COL21A1: variants seen among roughly 807,000 people sequenced by gnomAD.
COL21A1 encodes collagen alpha-1(XXI) chain.
COL21A1 carries 149 observed loss-of-function variants against 137.9 expected under a neutral mutation model. The ratio of observed to expected loss-of-function variants is 1.08; its 90% CI spans 0.95 to 1.24. The LOEUF (loss-of-function observed/expected upper bound fraction) is 1.24. COL21A1 is among the 50% of genes most tolerant of loss of function. The pLI, the probability that COL21A1 is intolerant of heterozygous loss-of-function variation, is 0.00. For synonymous variants in COL21A1, 456 were observed against 391.5 expected, an observed-to-expected ratio of 1.16 and a Z score of -1.95; for missense variants, 1,167 against 1,158.4, an observed-to-expected ratio of 1.01 and a Z score of -0.11.
chr6:56,271,063 A>G (rs1763514293), intron 1 of COL21A1, among the ~76,000 whole-genome samples: 1 of 152,202 alleles, frequency 6.6e-6, no homozygotes, highest in African/African-American at 2.4e-5. Context: ...GGTAACAGGA[A>G]GAGGTTGGAA....
At chr6:56,308,167 G>T (rs1392295736) in intron 1 of COL21A1, among the ~76,000 whole-genome samples, 1 of 152,182 alleles carries the variant, frequency 6.6e-6, no homozygotes, top group Non-Finnish European at 1.5e-5. Context: ...TAAAAGGGCT[G>T]GTAACAGCCC....
chr6:56,276,605 T>G, intron 1 of COL21A1: 1 of 1,422,990 alleles, frequency 7.0e-7, no homozygotes, highest in Non-Finnish European at 9.9e-7. Context: ...GCCAGGGTAT[T>G]CTGGCAGAAG....
intron 10 of COL21A1, among the ~76,000 whole-genome samples, chr6:56,143,859 A>C (rs952896618): frequency 6.6e-6 from 1 of 152,320 alleles, no homozygotes; most frequent in East Asian, 1.9e-4. Flanking sequence ...AGAACATTGG[A>C]ATAATTTAAA....
chr6:56,307,686 C>G (rs1237260008), intron 1 of COL21A1, among the ~76,000 whole-genome samples: 1 of 152,156 alleles, frequency 6.6e-6, no homozygotes. Flanking sequence ...GAGGCAATGC[C>G]TCGCCCTGCT....
intron 1 of COL21A1, among the ~76,000 whole-genome samples, chr6:56,217,330 A>G (rs1291622533): frequency 6.6e-6 from 1 of 152,040 alleles, no homozygotes; most frequent in Non-Finnish European, 1.5e-5. Flanking sequence ...TCAATGCTTT[A>G]TCTCAGATAA....
intron 1 of COL21A1, among the ~76,000 whole-genome samples, chr6:56,346,513 A>G (rs1366302226): frequency 6.6e-6 from 1 of 152,248 alleles, no homozygotes; most frequent in Admixed American, 6.5e-5. Flanking sequence ...TACCTTGTCA[A>G]TATTTAAACT....
intron 1 of COL21A1, among the ~76,000 whole-genome samples, chr6:56,195,593 T>C (rs13211355): frequency 6.6e-6 from 1 of 151,974 alleles, no homozygotes; most frequent in Non-Finnish European, 1.5e-5. Flanking sequence ...ACACAAAAAA[T>C]TATGAGACTA....
chr6:56,152,584 T>C (rs1003138969), intron 10 of COL21A1, among the ~76,000 whole-genome samples: 8 of 152,182 alleles, frequency 5.3e-5, no homozygotes, highest in African/African-American at 1.9e-4. Flanking sequence ...TAAATAATTC[T>C]ATTATAACTT....
chr6:56,171,570 A>G (rs1221435389), intron 3 of COL21A1, among the ~76,000 whole-genome samples: 1 of 151,924 alleles, frequency 6.6e-6, no homozygotes, highest in Non-Finnish European at 1.5e-5. Context: ...AATGAACACT[A>G]AAATTCTTTT....
chr6:56,175,535 T>C (rs978450196), intron 3 of COL21A1, among the ~76,000 whole-genome samples: 4 of 151,916 alleles, frequency 2.6e-5, no homozygotes, highest in African/African-American at 9.7e-5. Flanking sequence ...AATAATCTCA[T>C]TTATAAAACA....
intron 18 of COL21A1, among the ~76,000 whole-genome samples, chr6:56,075,941 G>C (rs1333906026): frequency 6.6e-6 from 1 of 151,526 alleles, no homozygotes; most frequent in Non-Finnish European, 1.5e-5. Context: ...GGATGCGGCT[G>C]ACTAGGTCCT....
intron 1 of COL21A1, among the ~76,000 whole-genome samples, chr6:56,262,547 T>G (rs375150127): frequency 6.6e-6 from 1 of 152,140 alleles, no homozygotes; most frequent in Non-Finnish European, 1.5e-5. Context: ...AGAAGGAGAA[T>G]GTATTTTAAT....
At chr6:56,140,496 T>G (rs1256493927) in intron 12 of COL21A1, among the ~76,000 whole-genome samples, 1 of 152,170 alleles carries the variant, frequency 6.6e-6, no homozygotes, top group Admixed American at 6.6e-5. Context: ...AACAGTATTG[T>G]GTGGAACAAT....
chr6:56,146,362 T>C (rs572716807), intron 10 of COL21A1, among the ~76,000 whole-genome samples: 9 of 152,286 alleles, frequency 5.9e-5, no homozygotes, highest in East Asian at 1.9e-4. Flanking sequence ...CTAGTTGTTG[T>C]TGGCAGGCTT....
At chr6:56,248,767 T>C (rs1054067336), upstream of COL21A1, among the ~76,000 whole-genome samples, 8 of 152,264 alleles carry the variant, frequency 5.3e-5, no homozygotes, top group Admixed American at 5.2e-4. Context: ...GATCATTTCC[T>C]GAATTTCCTT....
At position 56,360,419 on chromosome 6, in the gene COL21A1, G is replaced by A. The variant is rs374293372; in HGVS notation, c.-39+33552C>T. 5.7e-4 allele frequency among the ~76,000 whole-genome samples: 87 copies of A among 152,286 alleles called. 1 individual carries two copies. The highest frequency in any genetic ancestry group is 2.1e-3 in the African/African-American group (87 of 41,580). On this transcript the variant is annotated intron_variant, in intron 1 of 28. Coordinates refer to the COL21A1 transcript ENST00000370819. ...ATGAACAGGCCCTTTTATTAAATAT[G>A]AGAAGAGTCTAAGCCATAATAAACA...
At chr6:56,170,909 T>A in intron 4 of COL21A1, 44 bp from the exon 5 acceptor site, 2 of 1,597,072 alleles carry the variant, frequency 1.3e-6, no homozygotes, top group Non-Finnish European at 1.7e-6. Context: ...ATTCTTGACA[T>A]GTCCACAGAC....
rs1488347879 is a variant in COL21A1 at position 56,336,578 on chromosome 6, T to A, written c.-39+57393A>T. On this transcript the variant is annotated intron_variant, in intron 1 of 28. Coordinates refer to the COL21A1 transcript ENST00000370819. ...TTCAAAACCACCAAGATTAACTATT[T>A]TTCCCTGCAGCCATGTTTTCCTCAA... Among the ~76,000 whole-genome samples, 3 of 152,350 alleles carry A rather than the reference T, an allele frequency of 2.0e-5. No individual in the cohort carries two copies. The East Asian group carries it at 5.8e-4, about 29-fold the overall frequency.
At chr6:56,313,161 A>G (rs951295237) in intron 1 of COL21A1, among the ~76,000 whole-genome samples, 8 of 152,116 alleles carry the variant, frequency 5.3e-5, no homozygotes, top group Non-Finnish European at 4.4e-5. Flanking sequence ...AAGTGGAGTG[A>G]TCTAGGGTAT....
Sources: allele counts gnomAD v4.1 joint callset (sites outside exome capture counted in the v4.1 genomes callset), GRCh38; gene constraint gnomAD v4.1.1; transcripts MANE v1.5; gene names NCBI Gene and HGNC (gene_info 2026-07-23, HGNC 2026-07-21).